UNC5D: variants seen among roughly 807,000 people sequenced by gnomAD.
The protein encoded by UNC5D is unc-5 netrin receptor D, also known as netrin receptor UNC5D.
Under a neutral mutation model 105.4 loss-of-function variants are expected in UNC5D, and 39 were observed. The observed-to-expected ratio is 0.37, with a 90% confidence interval of 0.29 to 0.48. The LOEUF (loss-of-function observed/expected upper bound fraction) is 0.48, where lower values mean the gene tolerates loss of function less well. Ranked by LOEUF, UNC5D falls within the 20% of genes least tolerant of loss-of-function variation. The probability of loss-of-function intolerance (pLI) is 0.98; values close to 1 mark genes in which losing one functional copy is unlikely to be tolerated. For missense variants in UNC5D, 991 were observed against 1,202.4 expected, an observed-to-expected ratio of 0.82 and a Z score of 2.60; for synonymous variants, 452 against 450.4, an observed-to-expected ratio of 1.00 and a Z score of -0.04.
intron 1 of UNC5D, among the ~76,000 whole-genome samples, chr8:35,458,857 G>C (rs575542586): frequency 6.6e-6 from 1 of 152,138 alleles, no homozygotes; most frequent in Non-Finnish European, 1.5e-5. Flanking sequence ...CTTCGAAGAC[G>C]TCTTGAAATT....
rs553965680 is a variant in UNC5D at position 35,700,353 on chromosome 8, C to T, written c.1085-5576C>T. Among the ~76,000 whole-genome samples, 19 of 151,996 alleles carry T rather than the reference C, an allele frequency of 1.3e-4. No homozygotes were observed. In the South Asian group the frequency reaches 3.8e-3, roughly 30 times the overall value. On this transcript the variant is annotated intron_variant, in intron 7 of 16. Coordinates refer to ENST00000404895, the MANE Select transcript of UNC5D (RefSeq NM_080872.4). Reference sequence around the variant, plus strand: ...CTGTGACTCTGTGGTCGCAGTGTCACACAAATAAGCATTTAAATATGATTT... The same window carrying T: ...CTGTGACTCTGTGGTCGCAGTGTCATACAAATAAGCATTTAAATATGATTT...
chr8:35,280,926 A>G (rs1806106423), intron 1 of UNC5D, among the ~76,000 whole-genome samples: 1 of 152,204 alleles, frequency 6.6e-6, no homozygotes, highest in African/African-American at 2.4e-5. Flanking sequence ...TAACAAAAAT[A>G]GAGTTCTAAA....
Position 35,506,822 on chromosome 8 carries a change from C to T in UNC5D, c.104-42470C>T, listed in dbSNP as rs532475948. 2.0e-5 allele frequency among the ~76,000 whole-genome samples: 3 copies of T among 152,240 alleles called. No individual in the cohort carries two copies. In the South Asian group the frequency reaches 6.2e-4, roughly 32 times the overall value. On this transcript the variant is annotated intron_variant, in intron 1 of 16. Transcript: ENST00000404895. ...GGCATCTAAGGACTGCGTGGAAAAG[C>T]CCTGTGAATCTCAAGTGGGACAGAC... is the stretch of plus-strand genomic sequence containing the variant.
At chr8:35,635,187 T>C (rs1213585209) in intron 4 of UNC5D, among the ~76,000 whole-genome samples, 1 of 152,194 alleles carries the variant, frequency 6.6e-6, no homozygotes, top group African/African-American at 2.4e-5. Flanking sequence ...ACTGTATCCC[T>C]TATTCTCTTC....
rs144603537 is a variant in UNC5D at position 35,783,671 on chromosome 8, T to A, written c.2658-6688T>A. Reference sequence around the variant, plus strand: ...TTTGTTAACTGATGGAGGATTTAGATGTGCTAGTCCCTAAAATATTTGCAT... The same window carrying A: ...TTTGTTAACTGATGGAGGATTTAGAAGTGCTAGTCCCTAAAATATTTGCAT... On this transcript the variant is annotated intron_variant, in intron 16 of 16. Transcript: ENST00000404895. Among the ~76,000 whole-genome samples the A allele has an allele frequency of 8.9e-4, 135 of 152,268 alleles. 2 individuals carry two copies. Among genetic ancestry groups the A allele is most frequent in the African/African-American group, 3.2e-3 (132 of 41,550 alleles).
At chr8:35,762,789 G>T (rs1162425627) in intron 14 of UNC5D, among the ~76,000 whole-genome samples, 1 of 152,056 alleles carries the variant, frequency 6.6e-6, no homozygotes, top group Non-Finnish European at 1.5e-5. Flanking sequence ...ATTTTTAAAA[G>T]CCAACAAAAC....
intron 1 of UNC5D, among the ~76,000 whole-genome samples, chr8:35,426,089 A>G (rs1806231698): frequency 6.6e-6 from 1 of 152,184 alleles, no homozygotes; most frequent in South Asian, 2.1e-4. Context: ...CAAAAGGCAT[A>G]TTCCTGTAAA....
chr8:35,484,604 A>C (rs1022747399), intron 1 of UNC5D, among the ~76,000 whole-genome samples: 2 of 152,166 alleles, frequency 1.3e-5, no homozygotes, highest in Admixed American at 6.5e-5. Context: ...AAAATTGCAG[A>C]TACCAGGAGG....
intron 4 of UNC5D, among the ~76,000 whole-genome samples, chr8:35,682,746 G>C (rs1035381704): frequency 2.0e-5 from 3 of 152,198 alleles, no homozygotes; most frequent in Non-Finnish European, 4.4e-5. Context: ...TTCAAGGAAA[G>C]AGAAGTTTGG....
At chr8:35,699,248 T>C (rs1319471935) in intron 7 of UNC5D, among the ~76,000 whole-genome samples, 3 of 152,118 alleles carry the variant, frequency 2.0e-5, no homozygotes, top group African/African-American at 7.2e-5. Flanking sequence ...AGGATACTTA[T>C]TTGTCCAGTC....
chr8:35,716,272 A>T (rs1290367507), intron 8 of UNC5D, among the ~76,000 whole-genome samples: 1 of 152,176 alleles, frequency 6.6e-6, no homozygotes, highest in South Asian at 2.1e-4. Context: ...TATAATACCT[A>T]CCTCATAGAT....
intron 7 of UNC5D, among the ~76,000 whole-genome samples, chr8:35,693,065 A>T (rs1313376501): frequency 6.6e-6 from 1 of 152,184 alleles, no homozygotes; most frequent in East Asian, 1.9e-4. Flanking sequence ...CCATTATGGG[A>T]CCAAATATGA....
intron 4 of UNC5D, among the ~76,000 whole-genome samples, chr8:35,607,854 C>T (rs1392791351): frequency 2.7e-5 from 4 of 148,186 alleles, no homozygotes; most frequent in African/African-American, 5.3e-5. Flanking sequence ...TAACCCTAAC[C>T]CCTAACCCTA....
intron 1 of UNC5D, among the ~76,000 whole-genome samples, chr8:35,363,988 G>A (rs1801979181): frequency 6.6e-6 from 1 of 151,968 alleles, no homozygotes; most frequent in Non-Finnish European, 1.5e-5. Flanking sequence ...TTTGAGACCA[G>A]CCTGGCCAAC....
chr8:35,584,382 T>G (rs1189940328), intron 3 of UNC5D, among the ~76,000 whole-genome samples: 1 of 151,508 alleles, frequency 6.6e-6, no homozygotes, highest in East Asian at 1.9e-4. Flanking sequence ...ACTGGGCCTG[T>G]TTTTTGTTTG....
At chr8:35,493,186 C>T (rs140530099) in intron 1 of UNC5D, among the ~76,000 whole-genome samples, 1,503 of 147,554 alleles carry the variant, frequency 0.01, 31 homozygotes, top group African/African-American at 0.035. Flanking sequence ...TACTTTGGGG[C>T]GGCATTCTCT....
chr8:35,365,242 A>G (rs1802047485), intron 1 of UNC5D, among the ~76,000 whole-genome samples: 1 of 152,024 alleles, frequency 6.6e-6, no homozygotes, highest in Non-Finnish European at 1.5e-5. Flanking sequence ...TGTCTGGTAT[A>G]TCCCTCCTGT....
chr8:35,327,091 A>G (rs569214101), intron 1 of UNC5D, among the ~76,000 whole-genome samples: 1 of 152,288 alleles, frequency 6.6e-6, no homozygotes, highest in African/African-American at 2.4e-5. Context: ...CAAAGCACCG[A>G]GGGTACATTG....
At chr8:35,637,486 G>A (rs1015437252) in intron 4 of UNC5D, among the ~76,000 whole-genome samples, 4 of 152,146 alleles carry the variant, frequency 2.6e-5, no homozygotes, top group African/African-American at 9.7e-5. Flanking sequence ...GAGAAAGCCA[G>A]TCATAATGAG....
Sources: allele counts gnomAD v4.1 joint callset (sites outside exome capture counted in the v4.1 genomes callset), GRCh38; gene constraint gnomAD v4.1.1; transcripts MANE v1.5; gene names NCBI Gene and HGNC (gene_info 2026-07-23, HGNC 2026-07-21).